The following SORCS2 variants were observed in gnomAD, a reference collection of about 807,000 sequenced individuals.
The protein encoded by SORCS2 is sortilin related VPS10 domain containing receptor 2, also known as VPS10 domain-containing receptor SorCS2.
SORCS2 carries 100 observed loss-of-function variants against 141.6 expected under a neutral mutation model. The observed-to-expected ratio is 0.71, with a 90% confidence interval of 0.60 to 0.83. SORCS2 has a LOEUF of 0.83. SORCS2 is among the 40% of genes least tolerant of loss of function. The pLI, the probability that SORCS2 is intolerant of heterozygous loss-of-function variation, is 0.00. For missense variants in SORCS2, 1,646 were observed against 1,560.2 expected (o/e 1.05, Z -0.93); for synonymous variants, 789 against 676.9 (o/e 1.17, Z -2.57).
chr4:7,573,435 G>C (rs574098022), intron 3 of SORCS2, among the ~76,000 whole-genome samples: 1 of 152,186 alleles, frequency 6.6e-6, no homozygotes, highest in South Asian at 2.1e-4. Context: ...AAAGGCAAAG[G>C]TTTCCTTATT....
At chr4:7,403,997 A>ATTTTTTT (rs60403055) in intron 2 of SORCS2, among the ~76,000 whole-genome samples, 7 of 18,970 alleles carry the variant, frequency 3.7e-4, no homozygotes, top group Non-Finnish European at 6.2e-4. Flanking sequence ...ATATATATAT[A>ATTTTTTT]TTTTTTTTTT....
intron 1 of SORCS2, among the ~76,000 whole-genome samples, chr4:7,228,048 T>C (rs1234924694): frequency 6.6e-6 from 1 of 152,186 alleles, no homozygotes; most frequent in East Asian, 1.9e-4. Flanking sequence ...CCTGGGCTGC[T>C]GTGACAAAGG....
intron 8 of SORCS2, among the ~76,000 whole-genome samples, chr4:7,674,297 C>T (rs755506791): frequency 7.9e-5 from 12 of 151,926 alleles, no homozygotes; most frequent in Non-Finnish European, 1.6e-4. Flanking sequence ...TAGCAACACT[C>T]GGCCGGGCGC....
At chr4:7,367,605 G>C (rs894449364) in intron 1 of SORCS2, among the ~76,000 whole-genome samples, 1 of 152,212 alleles carries the variant, frequency 6.6e-6, no homozygotes, top group African/African-American at 2.4e-5. Context: ...GGGCTGTTCA[G>C]GCTGAGCTCT....
At chr4:7,399,415 A>C (rs775453649) in intron 2 of SORCS2, among the ~76,000 whole-genome samples, 1 of 152,294 alleles carries the variant, frequency 6.6e-6, no homozygotes, top group South Asian at 2.1e-4. Context: ...AATGACAAGT[A>C]TGGTCTTTTC....
chr4:7,456,633 G>T (rs924314463), intron 2 of SORCS2, among the ~76,000 whole-genome samples: 1 of 152,212 alleles, frequency 6.6e-6, no homozygotes, highest in Admixed American at 6.5e-5. Flanking sequence ...ACCTGGGAGA[G>T]AGGGTAACGC....
intron 1 of SORCS2, among the ~76,000 whole-genome samples, chr4:7,307,269 A>G (rs2108912230): frequency 6.6e-6 from 1 of 152,262 alleles, no homozygotes. Flanking sequence ...CTGGGAGGGG[A>G]TTCTGGAAGA....
At chr4:7,406,973 C>T (rs140366884) in intron 2 of SORCS2, among the ~76,000 whole-genome samples, 2 of 151,882 alleles carry the variant, frequency 1.3e-5, no homozygotes, top group African/African-American at 2.4e-5. Context: ...GTTTAATTTC[C>T]ATGTGTTTGT....
intron 1 of SORCS2, among the ~76,000 whole-genome samples, chr4:7,245,974 C>G (rs1201101203): frequency 6.6e-6 from 1 of 152,184 alleles, no homozygotes; most frequent in East Asian, 1.9e-4. Flanking sequence ...GGTACCCAGC[C>G]TTGCCGTGAT....
At position 7,600,656 on chromosome 4, in the gene SORCS2, T is replaced by TACAC. The variant is rs57789330; in HGVS notation, c.649-37633_649-37630dup. On this transcript the variant is annotated intron_variant, in intron 3 of 26. Coordinates refer to ENST00000507866, the MANE Select transcript of SORCS2 (RefSeq NM_020777.3). ...TTAGATTACGATATACATATATATA[T>TACAC]ACACACACACACACACACACACACA... Among the ~76,000 whole-genome samples the TACAC allele has an allele frequency of 2.1e-3, 302 of 140,968 alleles. 4 individuals carry two copies. Among genetic ancestry groups the TACAC allele is most frequent in the African/African-American group, 5.9e-3 (215 of 36,626 alleles). The allele number at this position is 140,968 out of a possible 152,430, so 92.5% of individuals were successfully genotyped here. A position where few individuals can be genotyped will look rare whatever the true frequency, so the allele number is the denominator to read the frequency against.
intron 1 of SORCS2, among the ~76,000 whole-genome samples, chr4:7,298,664 C>T (rs898404569): frequency 2.0e-5 from 3 of 152,116 alleles, no homozygotes; most frequent in Non-Finnish European, 2.9e-5. Flanking sequence ...GCAGCCATGC[C>T]GCTGGTGTCA....
At chr4:7,361,623 G>C (rs1014177135) in intron 1 of SORCS2, among the ~76,000 whole-genome samples, 2 of 152,172 alleles carry the variant, frequency 1.3e-5, no homozygotes. Context: ...GGAAAAAAGA[G>C]AGTCTGCTTG....
At chr4:7,643,299 C>G (rs772684182) in intron 4 of SORCS2, among the ~76,000 whole-genome samples, 11 of 152,196 alleles carry the variant, frequency 7.2e-5, no homozygotes, top group Non-Finnish European at 1.3e-4. Flanking sequence ...GCAGTCCCTT[C>G]CCACGCCAGC....
chr4:7,724,617 GA>G lies in SORCS2; in HGVS notation c.2612-536del, dbSNP rs1476890929. Among the ~76,000 whole-genome samples, 167 of 121,738 alleles carry G rather than the reference GA, an allele frequency of 1.4e-3. 14 individuals are homozygous for G. Among genetic ancestry groups the G allele is most frequent in the Non-Finnish European group, 2.5e-3 (139 of 56,044 alleles). The allele number at this position is 121,738 out of a possible 152,430, so 79.9% of individuals were successfully genotyped here. A position where few individuals can be genotyped will look rare whatever the true frequency, so the allele number is the denominator to read the frequency against. ...TGGTGATGGTGGTGATAGTGCTGGT[GA>G]GGATGGTGATGGTGGTGATGGTGGA... is the stretch of plus-strand genomic sequence containing the variant. On this transcript the variant is annotated intron_variant, in intron 19 of 26. Transcript: ENST00000507866.
intron 1 of SORCS2, among the ~76,000 whole-genome samples, chr4:7,257,005 G>T (rs1257933782): frequency 1.3e-5 from 2 of 152,142 alleles, no homozygotes; most frequent in Non-Finnish European, 2.9e-5. Flanking sequence ...GGCATTCACT[G>T]GTGATTTGAG....
intron 2 of SORCS2, among the ~76,000 whole-genome samples, chr4:7,518,225 A>G (rs1216219158): frequency 6.6e-6 from 1 of 152,188 alleles, no homozygotes; most frequent in African/African-American, 2.4e-5. Context: ...AAGGGCATTT[A>G]TTGATCGTAT....
intron 1 of SORCS2, among the ~76,000 whole-genome samples, chr4:7,232,144 G>C (rs1381503751): frequency 6.6e-6 from 1 of 152,240 alleles, no homozygotes; most frequent in Non-Finnish European, 1.5e-5. Flanking sequence ...GCGTGGAGCA[G>C]GATTGGGGGA....
chr4:7,564,691 T>G (rs1714840113), intron 3 of SORCS2, among the ~76,000 whole-genome samples: 2 of 152,220 alleles, frequency 1.3e-5, no homozygotes, highest in Non-Finnish European at 1.5e-5. Context: ...GAACCCAGCA[T>G]CCATCCCAGT....
chr4:7,585,944 A>G (rs957165167), intron 3 of SORCS2, among the ~76,000 whole-genome samples: 3 of 152,306 alleles, frequency 2.0e-5, no homozygotes, highest in South Asian at 2.1e-4. Flanking sequence ...AGCCATGCCA[A>G]TTTGGCAGTT....
Sources: allele counts gnomAD v4.1 joint callset (sites outside exome capture counted in the v4.1 genomes callset), GRCh38; gene constraint gnomAD v4.1.1; transcripts MANE v1.5; gene names NCBI Gene and HGNC (gene_info 2026-07-23, HGNC 2026-07-21).